ZDHHC15: variants seen among roughly 807,000 people sequenced by gnomAD.
The protein encoded by ZDHHC15 is zDHHC palmitoyltransferase 15.
Under a neutral mutation model 31.7 loss-of-function variants are expected in ZDHHC15, and 19 were observed. The ratio of observed to expected loss-of-function variants is 0.60; its 90% CI spans 0.42 to 0.88. The LOEUF is 0.88. ZDHHC15 is among the 40% of genes least tolerant of loss of function. The pLI is 0.00. For synonymous variants in ZDHHC15, 103 were observed against 90.0 expected (o/e 1.14, Z -0.82); for missense variants, 209 against 251.2 (o/e 0.83, Z 1.14).
intron 5 of ZDHHC15, 92 bp downstream of exon 5, chrX:75,431,359 A>T: frequency 1.2e-6 from 1 of 827,946 alleles, no homozygotes; most frequent in South Asian, 2.8e-5. Flanking sequence ...GCTCTTATCT[A>T]GGTATGATTA....
chrX:75,499,616 C>G (rs759980964), intron 2 of ZDHHC15, among the ~76,000 whole-genome samples: 1 of 111,016 alleles, frequency 9.0e-6, no homozygotes, highest in African/African-American at 3.3e-5. Flanking sequence ...ATTTAAAAAT[C>G]AAAAAACAAT....
At chrX:75,487,759 C>T (rs940762333) in intron 2 of ZDHHC15, among the ~76,000 whole-genome samples, 5 of 111,129 alleles carry the variant, frequency 4.5e-5, no homozygotes, top group African/African-American at 1.3e-4. Flanking sequence ...AAGGTGAAAA[C>T]CAGCTTAAAG....
chrX:75,383,718 A>G (rs1458924977), intron 10 of ZDHHC15, among the ~76,000 whole-genome samples: 2 of 102,120 alleles, frequency 2.0e-5, no homozygotes, highest in African/African-American at 6.9e-5. Context: ...CACTACCCCA[A>G]ATTTAAGAAA....
At chrX:75,452,777 T>A (rs1456968489) in intron 3 of ZDHHC15, among the ~76,000 whole-genome samples, 1 of 112,055 alleles carries the variant, frequency 8.9e-6, no homozygotes, top group Non-Finnish European at 1.9e-5. Flanking sequence ...AACCTGCTCC[T>A]GAATGACTAC....
chrX:75,501,908 G>C (rs906106977), intron 2 of ZDHHC15: 1 of 111,546 alleles, frequency 9.0e-6, no homozygotes, highest in African/African-American at 3.2e-5. Context: ...CCATTCTGTA[G>C]ATTGTTTACT....
At chrX:75,490,173 A>G (rs1280243071) in intron 2 of ZDHHC15, among the ~76,000 whole-genome samples, 2 of 112,045 alleles carry the variant, frequency 1.8e-5, no homozygotes, top group Non-Finnish European at 3.8e-5. Context: ...CCTGAAGGAT[A>G]TTATCCAGGA....
chrX:75,493,880 G>T (rs1051616281), intron 2 of ZDHHC15, among the ~76,000 whole-genome samples: 9 of 111,614 alleles, frequency 8.1e-5, no homozygotes, highest in Non-Finnish European at 1.7e-4. Flanking sequence ...CACAAGACAG[G>T]GATGCCCTCT....
At chrX:75,435,751 T>A (rs746693570) in intron 4 of ZDHHC15, among the ~76,000 whole-genome samples, 14 of 112,312 alleles carry the variant, frequency 1.2e-4, no homozygotes, top group Admixed American at 1.1e-3. Context: ...GCTAGTATTT[T>A]GTTGAGGATT....
At chrX:75,433,297 A>G (rs2083803941) in intron 4 of ZDHHC15, among the ~76,000 whole-genome samples, 1 of 110,221 alleles carries the variant, frequency 9.1e-6, no homozygotes, top group Non-Finnish European at 1.9e-5. Context: ...TTTTATTTCA[A>G]TAGGTTTTTG....
intron 4 of ZDHHC15, among the ~76,000 whole-genome samples, chrX:75,437,117 G>C (rs922907695): frequency 1.8e-5 from 2 of 110,657 alleles, no homozygotes; most frequent in African/African-American, 6.6e-5. Context: ...GCCTTACCTC[G>C]TGATCCGCCC....
At chrX:75,516,909 A>G (rs2085366840) in intron 1 of ZDHHC15, among the ~76,000 whole-genome samples, 1 of 112,347 alleles carries the variant, frequency 8.9e-6, no homozygotes, top group Admixed American at 9.4e-5. Context: ...AAACAACTCC[A>G]TCAAAAAGTG....
chrX:75,414,492 C>T (rs1166543718), intron 10 of ZDHHC15, among the ~76,000 whole-genome samples: 1 of 93,370 alleles, frequency 1.1e-5, no homozygotes, highest in African/African-American at 3.9e-5. Context: ...TGCAGCGGCG[C>T]GATCTCGGCT....
rs1227775190 is a variant in ZDHHC15, at chrX:75,369,422, A to C, written c.*3556T>G. The C allele has an allele frequency of 9.0e-6, 1 of 111,013 alleles. No homozygotes were observed. The highest frequency in any genetic ancestry group is 9.6e-5 in the Admixed American group (1 of 10,365). 9.1% of individuals were successfully genotyped at this position (111,013 alleles called of 1,213,427 possible). The stretch of plus-strand genomic sequence containing the variant: ...GGCTTTCAATGACTGTTACATTCCT[A>C]TGAATTTGGGCCCTGTTAAATTAAT... On this transcript the variant is annotated 3_prime_UTR_variant, in exon 12 of 12. Coordinates refer to ENST00000373367, the MANE Select transcript of ZDHHC15 (RefSeq NM_144969.3).
At chrX:75,463,492 C>T (rs887772081) in intron 3 of ZDHHC15, among the ~76,000 whole-genome samples, 1 of 110,358 alleles carries the variant, frequency 9.1e-6, no homozygotes, top group Non-Finnish European at 1.9e-5. Flanking sequence ...AGTGAACAGG[C>T]AACCTACAGA....
chrX:75,376,753 A>T (rs2083064051), intron 11 of ZDHHC15, among the ~76,000 whole-genome samples: 1 of 111,907 alleles, frequency 8.9e-6, no homozygotes, highest in Non-Finnish European at 1.9e-5. Context: ...TTGTAAATTA[A>T]GCATATTAAA....
intron 2 of ZDHHC15, among the ~76,000 whole-genome samples, chrX:75,480,333 C>T (rs949600676): frequency 9.0e-6 from 1 of 111,544 alleles, no homozygotes; most frequent in Non-Finnish European, 1.9e-5. Flanking sequence ...TAAGGCACAA[C>T]ACCTCTTTGG....
Position 75,483,707 on chromosome X carries a change from CTT to C in ZDHHC15, c.164-4724_164-4723del, listed in dbSNP as rs775642656. Among the ~76,000 whole-genome samples the C allele has an allele frequency of 3.6e-5, 4 of 111,924 alleles. No homozygotes were observed. In the Admixed American group the frequency reaches 3.8e-4, roughly 11 times the overall value. On this transcript the variant is annotated intron_variant, in intron 2 of 11. Coordinates refer to ENST00000373367, the MANE Select transcript of ZDHHC15 (RefSeq NM_144969.3). ...AGGCCAATATGCCTTGGGGAATAAT[CTT>C]TGGCTTCTTTCCTGGTTTAAAATGG...
At chrX:75,492,969 C>T (rs1321484290) in intron 2 of ZDHHC15, among the ~76,000 whole-genome samples, 1 of 111,488 alleles carries the variant, frequency 9.0e-6, no homozygotes. Flanking sequence ...CAAAAAAATC[C>T]TTCAAAAAAT....
chrX:75,506,089 T>C (rs1393552010), intron 1 of ZDHHC15, among the ~76,000 whole-genome samples: 2 of 111,879 alleles, frequency 1.8e-5, no homozygotes, highest in South Asian at 3.7e-4. Context: ...CTTTCAATCA[T>C]GAGAAGCTGC....
Sources: gnomAD v4.1 joint callset for allele counts (sites outside exome capture counted in the v4.1 genomes callset) on GRCh38, gnomAD v4.1.1 for gene constraint, MANE v1.5 for transcripts, NCBI Gene and HGNC (gene_info 2026-07-23, HGNC 2026-07-21) for gene names.